TASP1: variants seen among roughly 807,000 people sequenced by gnomAD.
TASP1 encodes taspase 1, also known as threonine aspartase 1.
TASP1 carries 16 observed loss-of-function variants against 56.6 expected under a neutral mutation model. That is an observed-to-expected ratio of 0.28 (90% CI 0.19 to 0.43). TASP1 has a LOEUF of 0.43. TASP1 is among the 20% of genes least tolerant of loss of function. The probability of loss-of-function intolerance (pLI) is 1.00; values close to 1 mark genes in which losing one functional copy is unlikely to be tolerated. For synonymous variants in TASP1, 179 were observed against 184.2 expected (o/e 0.97, Z 0.23); for missense variants, 393 against 511.6 (o/e 0.77, Z 2.24).
At chr20:13,206,348 G>C in the TASP1 span, among the ~76,000 whole-genome samples, 1 of 152,118 alleles carries the variant, frequency 6.6e-6, no homozygotes, top group South Asian at 2.1e-4. Flanking sequence ...ATCACAGGTG[G>C]TACAAAAGGT....
At chr20:13,598,042 C>G (rs1260416739) in intron 4 of TASP1, among the ~76,000 whole-genome samples, 2 of 152,146 alleles carry the variant, frequency 1.3e-5, no homozygotes, top group Non-Finnish European at 2.9e-5. Flanking sequence ...AGGACACAAA[C>G]AAATGGAAGA....
intron 9 of TASP1, 85 bp from the exon 10 acceptor site, chr20:13,528,596 A>C (rs1386050182): frequency 3.4e-5 from 41 of 1,201,054 alleles, no homozygotes; most frequent in Non-Finnish European, 4.6e-5. Flanking sequence ...CCCTCTAATA[A>C]AGCCTGGTTT....
At chr20:13,512,779 T>C (rs1473299537) in intron 10 of TASP1, among the ~76,000 whole-genome samples, 1 of 152,242 alleles carries the variant, frequency 6.6e-6, no homozygotes, top group Non-Finnish European at 1.5e-5. Context: ...AATTTTTGTA[T>C]AAAGTGTAAG....
the TASP1 span, among the ~76,000 whole-genome samples, chr20:13,240,463 G>A: frequency 1.3e-5 from 2 of 152,140 alleles, no homozygotes; most frequent in African/African-American, 4.8e-5. Flanking sequence ...TCAGGCAGAC[G>A]GAATCACAAA....
intron 13 of TASP1, among the ~76,000 whole-genome samples, chr20:13,392,315 T>C (rs1055318013): frequency 3.3e-5 from 5 of 152,186 alleles, no homozygotes; most frequent in African/African-American, 1.2e-4. Context: ...TGTGATACCA[T>C]GTCTCTGGCT....
chr20:13,623,010 C>T (rs1195528756), intron 4 of TASP1, among the ~76,000 whole-genome samples: 1 of 152,164 alleles, frequency 6.6e-6, no homozygotes, highest in Non-Finnish European at 1.5e-5. Context: ...ACAAGGCACA[C>T]TTCACAGCAC....
At chr20:13,226,870 A>T in the TASP1 span, among the ~76,000 whole-genome samples, 1 of 152,234 alleles carries the variant, frequency 6.6e-6, no homozygotes, top group South Asian at 2.1e-4. Flanking sequence ...GACAAGAAAT[A>T]GTTTCCACTT....
At chr20:13,318,725 G>A in the TASP1 span, among the ~76,000 whole-genome samples, 3 of 152,276 alleles carry the variant, frequency 2.0e-5, no homozygotes, top group East Asian at 3.9e-4. Context: ...GTCAAGCCAT[G>A]AGAAAATATT....
At chr20:13,592,965 G>C (rs952845707) in intron 4 of TASP1, among the ~76,000 whole-genome samples, 1 of 152,040 alleles carries the variant, frequency 6.6e-6, no homozygotes, top group African/African-American at 2.4e-5. Flanking sequence ...TTATAGCCAA[G>C]TGAAATACAT....
At chr20:13,292,278 G>A in the TASP1 span, 1 of 743,986 alleles carries the variant, frequency 1.3e-6, no homozygotes, top group Non-Finnish European at 2.3e-6. Flanking sequence ...ATACAAAAAA[G>A]GCTTTGTTCA....
At chr20:13,321,597 G>A in the TASP1 span, among the ~76,000 whole-genome samples, 1 of 152,186 alleles carries the variant, frequency 6.6e-6, no homozygotes, top group Non-Finnish European at 1.5e-5. Context: ...CAGGGACGTG[G>A]TGTGTTTTCT....
chr20:13,528,159 A>G (rs6109923), intron 10 of TASP1, among the ~76,000 whole-genome samples: 89,169 of 147,330 alleles, frequency 0.61, 27,104 homozygotes, highest in Non-Finnish European at 0.65. Flanking sequence ...GGAGGCAGAA[A>G]TTGCAGTGAG....
the TASP1 span, among the ~76,000 whole-genome samples, chr20:13,246,977 T>C: frequency 6.6e-6 from 1 of 152,156 alleles, no homozygotes; most frequent in Non-Finnish European, 1.5e-5. Flanking sequence ...GGCTCAGGCC[T>C]GTAATCCCAG....
chr20:13,278,300 G>A, the TASP1 span, among the ~76,000 whole-genome samples: 1 of 152,176 alleles, frequency 6.6e-6, no homozygotes, highest in Admixed American at 6.5e-5. Context: ...TTCTAGCTTT[G>A]GCTCCAGGAC....
At chr20:13,339,587 T>C in the TASP1 span, among the ~76,000 whole-genome samples, 1 of 152,336 alleles carries the variant, frequency 6.6e-6, no homozygotes, top group Non-Finnish European at 1.5e-5. Context: ...ATTTTCTACA[T>C]GTCTGGGGGC....
chr20:13,360,068 T>C, the TASP1 span, among the ~76,000 whole-genome samples: 34,020 of 151,874 alleles, frequency 0.22, 4,880 homozygotes, highest in African/African-American at 0.41. Context: ...CAGACAAGCC[T>C]TACAACTTAG....
chr20:13,304,262 A>G, the TASP1 span, among the ~76,000 whole-genome samples: 1 of 152,180 alleles, frequency 6.6e-6, no homozygotes, highest in Non-Finnish European at 1.5e-5. Context: ...AGATGGCTGC[A>G]TGAGCACCCA....
intron 8 of TASP1, among the ~76,000 whole-genome samples, chr20:13,537,552 G>C (rs1001938574): frequency 4.6e-5 from 7 of 152,038 alleles, no homozygotes; most frequent in African/African-American, 1.7e-4. Context: ...TACAATGACT[G>C]TTACTATATA....
intron 11 of TASP1, among the ~76,000 whole-genome samples, chr20:13,439,428 T>C (rs913115437): frequency 1.6e-4 from 25 of 152,110 alleles, no homozygotes; most frequent in Admixed American, 7.2e-4. Flanking sequence ...ACACCACATG[T>C]TCTCACTCAT....
Sources: allele counts gnomAD v4.1 joint callset (sites outside exome capture counted in the v4.1 genomes callset), GRCh38; gene constraint gnomAD v4.1.1; transcripts MANE v1.5; gene names NCBI Gene and HGNC (gene_info 2026-07-23, HGNC 2026-07-21).